Variants in PACSIN2 observed in about 807,000 individuals in gnomAD.
PACSIN2 encodes protein kinase C and casein kinase substrate in neurons protein 2.
Under a neutral mutation model 63.8 loss-of-function variants are expected in PACSIN2, and 25 were observed. The observed-to-expected ratio is 0.39, with a 90% CI of 0.29 to 0.55. PACSIN2 has a LOEUF of 0.55. PACSIN2 is among the 20% of genes least tolerant of loss of function. The probability of loss-of-function intolerance (pLI) is 0.62; values close to 1 mark genes in which losing one functional copy is unlikely to be tolerated. For missense variants in PACSIN2, 518 were observed against 646.9 expected (o/e 0.80, Z 2.16); for synonymous variants, 255 against 256.2 (o/e 1.00, Z 0.05).
At chr22:42,980,153 T>C (rs780207268) in intron 1 of PACSIN2, among the ~76,000 whole-genome samples, 8 of 152,196 alleles carry the variant, frequency 5.3e-5, no homozygotes, top group Non-Finnish European at 5.9e-5. Context: ...GGGTGAAAAT[T>C]TGTAAAATCT....
At chr22:42,985,329 C>T (rs1474098072) in intron 1 of PACSIN2, among the ~76,000 whole-genome samples, 2 of 152,252 alleles carry the variant, frequency 1.3e-5, no homozygotes, top group Non-Finnish European at 2.9e-5. Flanking sequence ...AGCGAGACTC[C>T]ATCAGCTGTG....
chr22:42,959,319 C>T (rs145992566), intron 1 of PACSIN2, among the ~76,000 whole-genome samples: 18 of 152,260 alleles, frequency 1.2e-4, no homozygotes, highest in East Asian at 9.6e-4. Flanking sequence ...TAAACATTAA[C>T]GCCTTAAAGT....
At chr22:42,974,467 G>A (rs1921541957) in intron 1 of PACSIN2, among the ~76,000 whole-genome samples, 2 of 152,286 alleles carry the variant, frequency 1.3e-5, no homozygotes, top group African/African-American at 4.8e-5. Context: ...AGAGGAGAGT[G>A]CTCTTCCTGG....
intron 1 of PACSIN2, among the ~76,000 whole-genome samples, chr22:43,014,597 C>G (rs920802108): frequency 1.3e-5 from 2 of 152,002 alleles, no homozygotes; most frequent in African/African-American, 2.4e-5. Flanking sequence ...TCCTAAATCG[C>G]GTCCCTCCAA....
chr22:42,876,118 G>C lies in PACSIN2; in HGVS notation c.1348+19C>G. The C allele has an allele frequency of 6.3e-7, 1 of 1,598,340 alleles. No homozygotes were observed. Among genetic ancestry groups the C allele is most frequent in the East Asian group, 2.3e-5 (1 of 44,404 alleles). ...GGTTGGAAGCCCTCCTCCCCTGGAT[G>C]CTGGGGGAGCCCACCTACCAGCCTT... On this transcript the variant is annotated intron_variant, in intron 10 of 10. Transcript: ENST00000263246.
intron 1 of PACSIN2, among the ~76,000 whole-genome samples, chr22:43,012,154 A>ATACATAC (rs1924533129): frequency 5.2e-5 from 7 of 134,006 alleles, no homozygotes; most frequent in Admixed American, 1.5e-4. Flanking sequence ...AAAATAAATA[A>ATACATAC]ATACATACAT....
At chr22:42,924,866 C>T (rs1008036050) in intron 1 of PACSIN2, among the ~76,000 whole-genome samples, 1 of 151,968 alleles carries the variant, frequency 6.6e-6, no homozygotes, top group East Asian at 1.9e-4. Context: ...ACGCCATTCT[C>T]CTGCCTCAGC....
At chr22:42,994,281 A>C (rs1197476988) in intron 1 of PACSIN2, among the ~76,000 whole-genome samples, 5 of 152,188 alleles carry the variant, frequency 3.3e-5, no homozygotes, top group Admixed American at 2.6e-4. Flanking sequence ...TCCCCATGCA[A>C]CTGGGGCTCC....
chr22:42,911,310 T>C (rs961132602), intron 2 of PACSIN2, among the ~76,000 whole-genome samples: 4 of 150,986 alleles, frequency 2.6e-5, no homozygotes, highest in Non-Finnish European at 4.4e-5. Context: ...CTCAGTAGGC[T>C]GAGGTGGGAG....
At chr22:42,942,154 A>T in intron 1 of PACSIN2, among the ~76,000 whole-genome samples, 2 of 138,740 alleles carry the variant, frequency 1.4e-5, no homozygotes, top group East Asian at 2.1e-4. Flanking sequence ...ACAGGGTCTC[A>T]TGTTGCTCAG....
chr22:42,968,661 G>A (rs1311055502), intron 1 of PACSIN2, among the ~76,000 whole-genome samples: 1 of 152,110 alleles, frequency 6.6e-6, no homozygotes, highest in Non-Finnish European at 1.5e-5. Flanking sequence ...GGATGAGGTG[G>A]GGAAGAGCCA....
At chr22:42,875,936 G>A (rs1239505642) in intron 10 of PACSIN2, among the ~76,000 whole-genome samples, 3 of 152,212 alleles carry the variant, frequency 2.0e-5, no homozygotes, top group Non-Finnish European at 4.4e-5. Context: ...GCCTCCCAAA[G>A]CTCTGGGACT....
chr22:42,987,476 A>T (rs2146897225), intron 1 of PACSIN2, among the ~76,000 whole-genome samples: 1 of 117,074 alleles, frequency 8.5e-6, no homozygotes. Flanking sequence ...ACACACACAC[A>T]CACACACACA....
rs745668624 is a variant in PACSIN2, at chr22:42,891,141, T to C, written c.259A>G (p.Met87Val). The change falls in exon 4 of 11, where the codon ATG (methionine) becomes GTG (valine). Residue 87 changes from methionine (M) to valine (V), a missense_variant. Physicochemically the swap from Met to Val is conservative, Grantham distance 21 (BLOSUM62 1). Transcript: ENST00000263246. Reference protein sequence around the residue: ...GTVEKAWMAFMSEAERVSELH... With the variant: ...GTVEKAWMAFVSEAERVSELH... ...TCGCTCACCCTCTCTGCCTCGGACA[T>C]GAAGGCCATCCAGGCCTTCTCCACG... The C allele has an allele frequency of 1.9e-6, 3 of 1,613,994 alleles. No homozygotes were observed. Among genetic ancestry groups the C allele is most frequent in the African/African-American group, 2.7e-5 (2 of 74,918 alleles).
intron 1 of PACSIN2, among the ~76,000 whole-genome samples, chr22:42,931,827 A>C (rs1407191973): frequency 2.6e-5 from 4 of 152,234 alleles, no homozygotes; most frequent in Non-Finnish European, 5.9e-5. Context: ...CTTCCAAAAC[A>C]GCCCAGAAAA....
chr22:42,954,575 T>G (rs963970503), intron 1 of PACSIN2, among the ~76,000 whole-genome samples: 1 of 152,184 alleles, frequency 6.6e-6, no homozygotes, highest in African/African-American at 2.4e-5. Context: ...TTATTTTTTA[T>G]AGAGACAGAG....
At chr22:42,997,502 G>A (rs1923489062) in intron 1 of PACSIN2, among the ~76,000 whole-genome samples, 1 of 151,716 alleles carries the variant, frequency 6.6e-6, no homozygotes, top group Admixed American at 6.6e-5. Context: ...AGGTTGCAGT[G>A]AGCTGAGATG....
intron 1 of PACSIN2, among the ~76,000 whole-genome samples, chr22:42,997,998 TAACAGGCCAGAGCTTTCCTGGAA>T (rs1353888257): frequency 6.6e-6 from 1 of 152,128 alleles, no homozygotes; most frequent in East Asian, 1.9e-4. Context: ...GAGCAAAATC[TAACAGGCCAGAGCTTTCCTGGAA>T]AAGAGGTTTC....
At chr22:42,912,919 C>A (rs1380630150) in intron 1 of PACSIN2, among the ~76,000 whole-genome samples, 2 of 152,180 alleles carry the variant, frequency 1.3e-5, no homozygotes, top group Non-Finnish European at 2.9e-5. Flanking sequence ...CAGTCTAAAG[C>A]CTTAGCTTAG....
Sources: gnomAD v4.1 joint callset for allele counts (sites outside exome capture counted in the v4.1 genomes callset) on GRCh38, gnomAD v4.1.1 for gene constraint, MANE v1.5 for transcripts, NCBI Gene and HGNC (gene_info 2026-07-23, HGNC 2026-07-21) for gene names.